LRBA: variants seen among roughly 807,000 people sequenced by gnomAD.
LRBA encodes LPS responsive beige-like anchor protein, also known as lipopolysaccharide-responsive and beige-like anchor protein.
A neutral mutation model predicts 330.0 loss-of-function variants in LRBA; 176 were observed. That is an observed-to-expected ratio of 0.53 (90% CI 0.47 to 0.60). The LOEUF (loss-of-function observed/expected upper bound fraction) is 0.60. Among genes scored for constraint, LRBA ranks in the 20% least tolerant of loss-of-function variants. The pLI is 0.00. For synonymous variants in LRBA, 1,230 were observed against 1,193.0 expected (o/e 1.03, Z -0.64); for missense variants, 3,259 against 3,444.8 (o/e 0.95, Z 1.35).
intron 40 of LRBA, among the ~76,000 whole-genome samples, chr4:150,537,273 T>C (rs147531444): frequency 2.0e-5 from 3 of 152,194 alleles, no homozygotes; most frequent in East Asian, 1.9e-4. Flanking sequence ...TGGGTATCCA[T>C]ACACAAAAAA....
chr4:150,545,315 C>G (rs1765739151), intron 40 of LRBA, among the ~76,000 whole-genome samples: 1 of 152,064 alleles, frequency 6.6e-6, no homozygotes, highest in Non-Finnish European at 1.5e-5. Flanking sequence ...GATTACAAAT[C>G]AATTGTAAAA....
chr4:150,819,919 T>C, intron 30 of LRBA, among the ~76,000 whole-genome samples: 1 of 152,068 alleles, frequency 6.6e-6, no homozygotes, highest in East Asian at 1.9e-4. Context: ...TCTACATGAA[T>C]TTACATTTTA....
intron 16 of LRBA, 92 bp downstream of exon 16, chr4:150,896,302 A>C (rs1013801120): frequency 4.5e-6 from 3 of 659,826 alleles, no homozygotes. Flanking sequence ...ACAGTTACAT[A>C]ATTACTGAAG....
chr4:150,586,366 A>G (rs776551465), intron 40 of LRBA, among the ~76,000 whole-genome samples: 1 of 152,176 alleles, frequency 6.6e-6, no homozygotes, highest in Non-Finnish European at 1.5e-5. Flanking sequence ...CCAATTCAGC[A>G]TATTTTCTTC....
chr4:150,282,218 T>G (rs910726420), intron 55 of LRBA, among the ~76,000 whole-genome samples: 4 of 152,180 alleles, frequency 2.6e-5, no homozygotes, highest in African/African-American at 9.6e-5. Flanking sequence ...CCTCTTCTAT[T>G]GAAGGACCGT....
At chr4:150,766,878 A>C (rs189508319) in intron 34 of LRBA, among the ~76,000 whole-genome samples, 1 of 152,290 alleles carries the variant, frequency 6.6e-6, no homozygotes, top group East Asian at 1.9e-4. Context: ...GAGAGTCAAT[A>C]ATTTCATACC....
chr4:150,401,084 C>T (rs1273185933), intron 47 of LRBA, among the ~76,000 whole-genome samples: 1 of 152,206 alleles, frequency 6.6e-6, no homozygotes, highest in Non-Finnish European at 1.5e-5. Context: ...AATGTGGACA[C>T]AGAGACAGAT....
In LRBA at chr4:150,557,727, C is replaced by A. The variant is rs144529364; in HGVS notation, c.6330+30321G>T. On this transcript the variant is annotated intron_variant, in intron 40 of 56. Transcript: ENST00000651943. ...TTACAGGTTTTAGGAAGGAAGTCCA[C>A]AGAGGTATAGTGCCATCCGCATCAC... 1.8e-3 allele frequency among the ~76,000 whole-genome samples: 281 copies of A among 152,274 alleles called. 1 individual carries two copies. The highest frequency in any genetic ancestry group is 3.1e-3 in the Non-Finnish European group (214 of 68,026).
At chr4:151,013,207 A>AT (rs1475375905) in intron 2 of LRBA, 1 of 152,260 alleles carries the variant, frequency 6.6e-6, no homozygotes, top group Non-Finnish European at 1.5e-5. Flanking sequence ...GAAAGGTGCT[A>AT]AACAGTTATT....
chr4:150,579,861 C>T lies in LRBA; in HGVS notation c.6330+8187G>A, dbSNP rs1254300098. 2.9e-5 allele frequency: 11 copies of T among 376,834 alleles called. No homozygotes were observed. In the East Asian group the frequency reaches 8.2e-4, roughly 28 times the overall value. The allele number at this position is 376,834 out of a possible 1,614,324, so 23.3% of individuals were successfully genotyped here. A position where few individuals can be genotyped will look rare whatever the true frequency, so the allele number is the denominator to read the frequency against. ...CGGGCCGGGCCATTCGCGAACCAGA[C>T]GCAACGACGAAGCGACCACCTCGAG... On this transcript the variant is annotated intron_variant, in intron 40 of 56. Transcript: ENST00000651943.
chr4:150,779,090 C>A (rs944385447), intron 34 of LRBA, among the ~76,000 whole-genome samples: 4 of 152,110 alleles, frequency 2.6e-5, no homozygotes, highest in Non-Finnish European at 4.4e-5. Flanking sequence ...CACCTCAATA[C>A]ATACATATTT....
At chr4:150,336,543 A>T (rs1354278945) in intron 48 of LRBA, among the ~76,000 whole-genome samples, 7 of 152,168 alleles carry the variant, frequency 4.6e-5, no homozygotes, top group African/African-American at 1.2e-4. Flanking sequence ...AACATATTTT[A>T]AAATAATAAT....
At chr4:150,749,298 A>G (rs1733203344) in intron 35 of LRBA, among the ~76,000 whole-genome samples, 1 of 152,146 alleles carries the variant, frequency 6.6e-6, no homozygotes, top group South Asian at 2.1e-4. Flanking sequence ...GGCCAGGTAA[A>G]CTGGCTCACA....
At chr4:150,535,912 G>C (rs546528788) in intron 40 of LRBA, among the ~76,000 whole-genome samples, 2 of 152,130 alleles carry the variant, frequency 1.3e-5, no homozygotes, top group Admixed American at 1.3e-4. Context: ...CAGATATTAC[G>C]TGTCTCCTCA....
intron 13 of LRBA, among the ~76,000 whole-genome samples, chr4:150,904,017 T>C (rs1385349850): frequency 2.6e-5 from 4 of 152,088 alleles, no homozygotes; most frequent in African/African-American, 9.7e-5. Context: ...AAAATTCATC[T>C]CTCCTGCTAG....
chr4:150,651,541 A>G (rs573753536), intron 37 of LRBA, among the ~76,000 whole-genome samples: 2 of 152,266 alleles, frequency 1.3e-5, no homozygotes, highest in African/African-American at 4.8e-5. Context: ...CCACACAATA[A>G]ATCTATAATA....
At chr4:150,656,781 G>A (rs1780229957) in intron 37 of LRBA, among the ~76,000 whole-genome samples, 1 of 152,138 alleles carries the variant, frequency 6.6e-6, no homozygotes, top group Non-Finnish European at 1.5e-5. Context: ...GATATTCAGT[G>A]CTTAGAACAA....
chr4:150,472,299 G>A (rs561932340), intron 42 of LRBA, among the ~76,000 whole-genome samples: 37 of 152,084 alleles, frequency 2.4e-4, no homozygotes, highest in African/African-American at 8.7e-4. Flanking sequence ...GTAAACATCA[G>A]TGAATAGAAC....
chr4:150,916,910 T>C (rs188501900), intron 5 of LRBA, among the ~76,000 whole-genome samples, 172 bp from the exon 6 acceptor site: 1 of 152,234 alleles, frequency 6.6e-6, no homozygotes, highest in East Asian at 1.9e-4. Context: ...TCCCAGCACT[T>C]TGGGAGGCCG....
Sources: gnomAD v4.1 joint callset for allele counts (sites outside exome capture counted in the v4.1 genomes callset) on GRCh38, gnomAD v4.1.1 for gene constraint, MANE v1.5 for transcripts, NCBI Gene and HGNC (gene_info 2026-07-23, HGNC 2026-07-21) for gene names.